FANCA: variants seen among roughly 807,000 people sequenced by gnomAD.
FANCA encodes the protein Fanconi anemia group A protein.
Under a neutral mutation model 194.3 loss-of-function variants are expected in FANCA, and 236 were observed. The observed-to-expected ratio is 1.21, with a 90% CI of 1.09 to 1.35. The LOEUF (loss-of-function observed/expected upper bound fraction) is 1.35. FANCA is among the 40% of genes most tolerant of loss of function. The probability of loss-of-function intolerance (pLI) is 0.00; values close to 1 mark genes in which losing one functional copy is unlikely to be tolerated. For synonymous variants in FANCA, 1,014 were observed against 715.8 expected, an observed-to-expected ratio of 1.42 and a Z score of -6.65; for missense variants, 2,628 against 1,813.9, an observed-to-expected ratio of 1.45 and a Z score of -8.15.
chr16:89,780,960 C>T (rs918572766), intron 17 of FANCA, among the ~76,000 whole-genome samples: 1 of 151,376 alleles, frequency 6.6e-6, no homozygotes, highest in African/African-American at 2.4e-5. Context: ...TTATAAACAG[C>T]AATAAATTAT....
At chr16:89,751,420 T>G (rs961361552) in intron 31 of FANCA, among the ~76,000 whole-genome samples, 4 of 152,120 alleles carry the variant, frequency 2.6e-5, no homozygotes, top group African/African-American at 7.2e-5. Flanking sequence ...TGCAGAGAGA[T>G]ATGATCGCAC....
Position 89,761,967 on chromosome 16 carries a change from G to T in FANCA, c.2834C>A (p.Ala945Asp). ...CACTTACCGTTCAGTATCTGAAAGA[G>T]CATCAGCTTCAGGTTGAATTTCCAG... Reference protein sequence around the residue: ...LELEIQPEADALSDTERQDFH... With the variant: ...LELEIQPEADDLSDTERQDFH... Residue 945 changes from alanine (A) to aspartate (D), a missense_variant, in exon 29 of 43, where the codon GCT becomes GAT. By Grantham distance (126) the Ala-to-Asp change is moderately radical (BLOSUM62 -2). Transcript: ENST00000389301. 6.2e-7 allele frequency: 1 copy of T among 1,613,950 alleles called. No homozygotes were observed. The highest frequency in any genetic ancestry group is 1.1e-5 in the South Asian group (1 of 91,078).
intron 6 of FANCA, among the ~76,000 whole-genome samples, chr16:89,807,930 C>T (rs553254356): frequency 5.5e-4 from 81 of 148,086 alleles, no homozygotes; most frequent in African/African-American, 1.9e-3. Context: ...TGGTGGCGGG[C>T]GCCTGTAATC....
At chr16:89,784,762 T>C in intron 15 of FANCA, 92 bp downstream of exon 15, 1 of 932,764 alleles carries the variant, frequency 1.1e-6, no homozygotes, top group South Asian at 1.3e-5. Context: ...AGAGCAGATC[T>C]GCAGGAGGCT....
chr16:89,761,988 T>C lies in FANCA; in HGVS notation c.2813A>G (p.Glu938Gly), dbSNP rs1211884805. The change falls in exon 29 of 43, where the codon GAA becomes GGA. Residue 938 changes from glutamate to glycine, a missense_variant. Coordinates refer to ENST00000389301, the MANE Select transcript of FANCA (RefSeq NM_000135.4). ...TYQDWLHLEL[E>G]IQPEADALSD... The stretch of plus-strand genomic sequence containing the variant: ...AAGAGCATCAGCTTCAGGTTGAATT[T>C]CCAGCTCCAGGTGTAACCAGTCTTG... The C allele has an allele frequency of 6.2e-7, 1 of 1,613,988 alleles. No homozygotes were observed. The highest frequency in any genetic ancestry group is 1.3e-5 in the African/African-American group (1 of 74,906).
intron 8 of FANCA, among the ~76,000 whole-genome samples, chr16:89,800,934 G>A (rs2040426047): frequency 6.6e-6 from 1 of 151,520 alleles, no homozygotes; most frequent in African/African-American, 2.4e-5. Context: ...TCGGGAGACT[G>A]AGGCAGGAGA....
chr16:89,774,904 T>A (rs2039449535), intron 21 of FANCA, among the ~76,000 whole-genome samples: 1 of 151,276 alleles, frequency 6.6e-6, no homozygotes, highest in African/African-American at 2.4e-5. Flanking sequence ...GACCAGCTTG[T>A]CCAACATGGC....
intron 30 of FANCA, among the ~76,000 whole-genome samples, chr16:89,754,297 CAAGAAA>C (rs141987370): frequency 0.017 from 2,571 of 151,406 alleles, 88 homozygotes; most frequent in African/African-American, 0.059. Flanking sequence ...GGCAATTCAA[CAAGAAA>C]AAGAAAAAGC....
At chr16:89,807,486 A>G (rs940997401) in intron 6 of FANCA, among the ~76,000 whole-genome samples, 7 of 151,752 alleles carry the variant, frequency 4.6e-5, no homozygotes, top group African/African-American at 1.7e-4. Flanking sequence ...GAGGTGGCTC[A>G]TGCCTGTAAT....
At chr16:89,777,396 T>C (rs1316143482) in intron 20 of FANCA, among the ~76,000 whole-genome samples, 1 of 151,988 alleles carries the variant, frequency 6.6e-6, no homozygotes, top group Non-Finnish European at 1.5e-5. Flanking sequence ...CAAATGAAAG[T>C]AAGGATCCCA....
chr16:89,755,720 T>C (rs2038744997), intron 30 of FANCA, among the ~76,000 whole-genome samples: 2 of 152,226 alleles, frequency 1.3e-5, no homozygotes, highest in African/African-American at 4.8e-5. Flanking sequence ...TACAACTCAG[T>C]AAGACAAATA....
chr16:89,813,834 C>A (rs62054220), intron 3 of FANCA, among the ~76,000 whole-genome samples: 1 of 111,926 alleles, frequency 8.9e-6, no homozygotes, highest in East Asian at 3.7e-4. Context: ...GTGTGTGTGT[C>A]CGTGTGCACG....
chr16:89,794,535 C>CA (rs968860235), intron 11 of FANCA, among the ~76,000 whole-genome samples: 2 of 151,936 alleles, frequency 1.3e-5, no homozygotes, highest in Non-Finnish European at 2.9e-5. Context: ...GACTCTGTCT[C>CA]AAAAAAATAA....
chr16:89,805,561 C>T (rs1001088142), intron 6 of FANCA, among the ~76,000 whole-genome samples, 169 bp from the exon 7 acceptor site: 20 of 151,970 alleles, frequency 1.3e-4, no homozygotes, highest in Admixed American at 3.9e-4. Flanking sequence ...CAGGCTCAAG[C>T]AATCCTTCCA....
In FANCA at chr16:89,742,220, G is replaced by A. The variant is rs566888282; in HGVS notation, c.3765+580C>T. ...TCAAACTCCTGACACCAAGTGATCC[G>A]CCTGCCTCGGCCTCCCTAAGTGTTG... On this transcript the variant is annotated intron_variant, in intron 37 of 42. Coordinates refer to ENST00000389301, the MANE Select transcript of FANCA (RefSeq NM_000135.4). 1.1e-4 allele frequency among the ~76,000 whole-genome samples: 17 copies of A among 152,062 alleles called. No individual in the cohort carries two copies. The South Asian group carries it at 2.9e-3, about 26-fold the overall frequency.
At chr16:89,760,235 G>T (rs1346984144) in intron 29 of FANCA, among the ~76,000 whole-genome samples, 2 of 152,230 alleles carry the variant, frequency 1.3e-5, no homozygotes, top group Non-Finnish European at 2.9e-5. Context: ...AGGAGAAACG[G>T]GGGTGAGTGA....
In FANCA at chr16:89,767,187, G is replaced by A. The variant is rs761469030; in HGVS notation, c.2555C>T (p.Ser852Leu). 7.4e-6 allele frequency: 12 copies of A among 1,613,982 alleles called. No homozygotes were observed. Among genetic ancestry groups the A allele is most frequent in the Non-Finnish European group, 1.0e-5 (12 of 1,179,876 alleles). ...SYSLCKFSSQSRDTLCSCLSP... is the reference protein window; with the variant it reads ...SYSLCKFSSQLRDTLCSCLSP... ...TAAGCAGCTGCACAAAGTATCTCGT[G>A]ACTGGGAAGAAAACTTGCAGAGAGA... The change falls in exon 27 of 43, where the codon TCA becomes TTA. Residue 852 changes from serine (S) to leucine (L), a missense_variant. Physicochemically the swap from Ser to Leu is moderately radical, Grantham distance 145 (BLOSUM62 -2). Transcript: ENST00000389301.
intron 13 of FANCA, 97 bp downstream of exon 13, chr16:89,791,830 C>T (rs2143528649): frequency 6.7e-7 from 1 of 1,501,690 alleles, no homozygotes; most frequent in East Asian, 2.3e-5. Flanking sequence ...TAGGGAAGGG[C>T]TTCACTGAGA....
rs773456149 is a variant in FANCA at position 89,784,981 on chromosome 16, G to A, written c.1360-17C>T. ...AAAGGAGGCCTGTGTGGAGAGAAGA[G>A]CGTGAAGCCCAGGACAGCCAGGCGC... is the stretch of plus-strand genomic sequence containing the variant. On this transcript the variant is annotated splice_polypyrimidine_tract_variant and intron_variant, in intron 14 of 42. Coordinates refer to ENST00000389301, the MANE Select transcript of FANCA (RefSeq NM_000135.4). 3.1e-6 allele frequency: 5 copies of A among 1,594,292 alleles called. No homozygotes were observed. Among genetic ancestry groups the A allele is most frequent in the Non-Finnish European group, 4.3e-6 (5 of 1,163,190 alleles).
Sources: allele counts gnomAD v4.1 joint callset (sites outside exome capture counted in the v4.1 genomes callset), GRCh38; gene constraint gnomAD v4.1.1; transcripts MANE v1.5; gene names NCBI Gene and HGNC (gene_info 2026-07-23, HGNC 2026-07-21).